Variants in NAPEPLD observed in about 807,000 individuals in gnomAD.
NAPEPLD encodes N-acyl-phosphatidylethanolamine-hydrolyzing phospholipase D.
Under a neutral mutation model 38.1 loss-of-function variants are expected in NAPEPLD, and 23 were observed. The observed-to-expected ratio is 0.60, with a 90% CI of 0.43 to 0.86. The LOEUF is 0.86. Among genes scored for constraint, NAPEPLD ranks in the 40% least tolerant of loss-of-function variants. The pLI is 0.00. For missense variants in NAPEPLD, 411 were observed against 476.8 expected (o/e 0.86, Z 1.28); for synonymous variants, 147 against 162.0 (o/e 0.91, Z 0.71).
intron 4 of NAPEPLD, among the ~76,000 whole-genome samples, chr7:103,104,972 T>G (rs1427149551): frequency 6.6e-6 from 1 of 152,166 alleles, no homozygotes; most frequent in Non-Finnish European, 1.5e-5. Flanking sequence ...GCTATAACTT[T>G]AGTGTGGAGG....
At position 103,103,221 on chromosome 7, in the gene NAPEPLD, T is replaced by G; in HGVS notation, c.*208A>C. On this transcript the variant is annotated 3_prime_UTR_variant, in exon 5 of 5. Coordinates refer to ENST00000465647, the MANE Select transcript of NAPEPLD (RefSeq NM_001122838.3). ...AAATCCACATTAGCCAATTCATTAT[T>G]TAAATGACCCACCCCTGAACCCTCT... 2.5e-6 allele frequency: 1 copy of G among 392,822 alleles called. No homozygotes were observed. Among genetic ancestry groups the G allele is most frequent in the South Asian group, 8.7e-5 (1 of 11,454 alleles). 24.3% of individuals were successfully genotyped at this position (392,822 alleles called of 1,614,324 possible).
chr7:103,149,401 C>A, upstream of NAPEPLD: 5 of 1,223,006 alleles, frequency 4.1e-6, no homozygotes, highest in East Asian at 7.9e-5. Context: ...TCGGGTTCTT[C>A]CTAACCCGAG....
chr7:103,127,354 A>G (rs1808038109), intron 2 of NAPEPLD: 1 of 152,228 alleles, frequency 6.6e-6, no homozygotes, highest in Admixed American at 6.5e-5. Context: ...AAAATTCTAT[A>G]CCCAAATTAT....
At chr7:103,133,547 C>G (rs1305076145) in intron 1 of NAPEPLD, among the ~76,000 whole-genome samples, 1 of 152,140 alleles carries the variant, frequency 6.6e-6, no homozygotes, top group Non-Finnish European at 1.5e-5. Flanking sequence ...CAAGAACGCT[C>G]CTCATGCCCA....
chr7:103,119,500 A>G, intron 3 of NAPEPLD, 77 bp downstream of exon 3: 2 of 1,495,768 alleles, frequency 1.3e-6, no homozygotes, highest in Non-Finnish European at 1.8e-6. Flanking sequence ...CAGTGTCACA[A>G]AAATCATAAT....
intron 1 of NAPEPLD, among the ~76,000 whole-genome samples, chr7:103,131,412 A>C (rs1460454797): frequency 6.6e-6 from 1 of 152,104 alleles, no homozygotes; most frequent in African/African-American, 2.4e-5. Context: ...TAATTCCAGC[A>C]CTTCAGGAGG....
chr7:103,140,109 C>T (rs1454422440), intron 1 of NAPEPLD, among the ~76,000 whole-genome samples: 1 of 152,190 alleles, frequency 6.6e-6, no homozygotes, highest in African/African-American at 2.4e-5. Flanking sequence ...CTTTGCCCCT[C>T]ATCATCCTAA....
intron 4 of NAPEPLD, among the ~76,000 whole-genome samples, chr7:103,107,575 A>G (rs1233236491): frequency 6.6e-6 from 1 of 152,116 alleles, no homozygotes; most frequent in Non-Finnish European, 1.5e-5. Flanking sequence ...ATGGAGCTGA[A>G]AAACACAGTA....
At chr7:103,104,621 G>T (rs1438895870) in intron 4 of NAPEPLD, among the ~76,000 whole-genome samples, 1 of 152,164 alleles carries the variant, frequency 6.6e-6, no homozygotes, top group Non-Finnish European at 1.5e-5. Context: ...ACTGACTACT[G>T]AGTAAGTTTG....
Position 103,116,063 on chromosome 7 carries a change from T to C in NAPEPLD, c.942-889A>G, listed in dbSNP as rs1381433852. On this transcript the variant is annotated intron_variant, in intron 3 of 4. Transcript: ENST00000465647. ...GGTTTTTGCCAGTTTTTTCTTTTTT[T>C]CTTTTTTTTTTTTTCTGAGATTGAG... Among the ~76,000 whole-genome samples, 4 of 24,546 alleles carry C rather than the reference T, an allele frequency of 1.6e-4. No individual in the cohort carries two copies. The Admixed American group carries it at 3.2e-3, about 20-fold the overall frequency. The allele number at this position is 24,546 out of a possible 152,430, so 16.1% of individuals were successfully genotyped here.
chr7:103,140,575 A>G (rs1014950249), intron 1 of NAPEPLD, among the ~76,000 whole-genome samples: 1 of 151,650 alleles, frequency 6.6e-6, no homozygotes, highest in African/African-American at 2.4e-5. Context: ...TTGTATTTTT[A>G]GTAGAGACGG....
chr7:103,116,960 A>G (rs1399557714), intron 3 of NAPEPLD, among the ~76,000 whole-genome samples: 1 of 152,258 alleles, frequency 6.6e-6, no homozygotes, highest in East Asian at 1.9e-4. Context: ...AAAACAGTAA[A>G]CAAAACCAAC....
intron 1 of NAPEPLD, chr7:103,141,716 T>C (rs1193716379): frequency 3.5e-6 from 3 of 869,080 alleles, no homozygotes; most frequent in African/African-American, 1.6e-5. Flanking sequence ...TATGCCCATA[T>C]GCCTGCCCTT....
chr7:103,124,461 A>G (rs973745139), intron 2 of NAPEPLD, among the ~76,000 whole-genome samples: 7 of 149,492 alleles, frequency 4.7e-5, no homozygotes, highest in Non-Finnish European at 1.0e-4. Flanking sequence ...TCCGTCTTAG[A>G]AAAAAAAAAG....
intron 4 of NAPEPLD, among the ~76,000 whole-genome samples, chr7:103,109,173 A>C (rs1016727840): frequency 1.3e-5 from 2 of 152,234 alleles, no homozygotes; most frequent in Non-Finnish European, 2.9e-5. Context: ...AATATTAGAC[A>C]GATCAACGAG....
chr7:103,133,949 T>G (rs1809505124), intron 1 of NAPEPLD, among the ~76,000 whole-genome samples: 1 of 152,158 alleles, frequency 6.6e-6, no homozygotes, highest in African/African-American at 2.4e-5. Flanking sequence ...AAGAGCAATC[T>G]AAACAAATAA....
chr7:103,141,980 G>A (rs1260431337), intron 1 of NAPEPLD: 2 of 727,682 alleles, frequency 2.7e-6, no homozygotes, highest in Non-Finnish European at 4.9e-6. Context: ...CTCCCCTGTG[G>A]AGCTTTTTAA....
At chr7:103,104,555 C>T (rs994745907) in intron 4 of NAPEPLD, among the ~76,000 whole-genome samples, 3 of 152,148 alleles carry the variant, frequency 2.0e-5, no homozygotes, top group Non-Finnish European at 4.4e-5. Context: ...CATCCTTTTC[C>T]CCCTTGCTCA....
At chr7:103,112,988 A>AT (rs759983329) in intron 4 of NAPEPLD, among the ~76,000 whole-genome samples, 51 of 152,172 alleles carry the variant, frequency 3.4e-4, no homozygotes, top group Non-Finnish European at 8.8e-5. Flanking sequence ...CAAAGACAGG[A>AT]TTTTTTAATC....
Sources: allele counts gnomAD v4.1 joint callset (sites outside exome capture counted in the v4.1 genomes callset), GRCh38; gene constraint gnomAD v4.1.1; transcripts MANE v1.5; gene names NCBI Gene and HGNC (gene_info 2026-07-23, HGNC 2026-07-21).